PPFIA1: variants seen among roughly 807,000 people sequenced by gnomAD.
PPFIA1 encodes liprin-alpha-1.
A neutral mutation model predicts 149.9 loss-of-function variants in PPFIA1; 25 were observed. The ratio of observed to expected loss-of-function variants is 0.17; its 90% CI spans 0.12 to 0.23. The LOEUF (loss-of-function observed/expected upper bound fraction) is 0.23, where lower values mean the gene tolerates loss of function less well. PPFIA1 is among the 10% of genes least tolerant of loss of function. PPFIA1 has a pLI of 1.00. For missense variants in PPFIA1, 1,362 were observed against 1,506.5 expected (o/e 0.90, Z 1.59); for synonymous variants, 549 against 552.8 (o/e 0.99, Z 0.10).
At chr11:70,278,914 A>G in intron 2 of PPFIA1, 1 of 593,250 alleles carries the variant, frequency 1.7e-6, no homozygotes, top group East Asian at 4.0e-5. Flanking sequence ...GGCAGCCTTT[A>G]GACAGTCTGC....
At chr11:70,279,156 C>T in intron 2 of PPFIA1, 1 of 541,370 alleles carries the variant, frequency 1.8e-6, no homozygotes, top group Non-Finnish European at 3.4e-6. Context: ...GGCAGTCGCG[C>T]CCACACGTCC....
intron 2 of PPFIA1, among the ~76,000 whole-genome samples, chr11:70,281,616 G>A (rs1440629587): frequency 1.3e-5 from 2 of 152,150 alleles, no homozygotes; most frequent in Non-Finnish European, 2.9e-5. Flanking sequence ...TGTCTCCCCA[G>A]ACCCTTGGGG....
At chr11:70,382,932 A>T (rs2057763672) in intron 27 of PPFIA1, 71 bp from the exon 28 acceptor site, 2 of 356,974 alleles carry the variant, frequency 5.6e-6, no homozygotes, top group Non-Finnish European at 1.0e-5. Flanking sequence ...GGGCCCCAGC[A>T]TCAGAAGTTC....
rs1269072423 is a variant in PPFIA1, at chr11:70,354,463, T to C, written c.2315+11T>C. ...CAGGGACATAAGGAAGTAAGGAGCCTGCAGCAGCCCCATGCAGAGCGCACC... is the reference window on the plus strand; with the variant it reads ...CAGGGACATAAGGAAGTAAGGAGCCCGCAGCAGCCCCATGCAGAGCGCACC... On this transcript the variant is annotated intron_variant, in intron 17 of 27. Coordinates refer to ENST00000253925, the MANE Select transcript of PPFIA1 (RefSeq NM_003626.5). 5.6e-6 allele frequency: 9 copies of C among 1,609,146 alleles called. No individual in the cohort carries two copies. Among genetic ancestry groups the C allele is most frequent in the Non-Finnish European group, 7.6e-6 (9 of 1,178,258 alleles).
At chr11:70,342,085 G>A (rs2137100604) in intron 14 of PPFIA1, 1 of 152,880 alleles carries the variant, frequency 6.5e-6, no homozygotes, top group South Asian at 2.1e-4. Flanking sequence ...GTGGGTGAAA[G>A]GAGACCCGCC....
intron 2 of PPFIA1, among the ~76,000 whole-genome samples, chr11:70,278,390 C>A (rs1274688967): frequency 6.6e-6 from 1 of 152,202 alleles, no homozygotes. Context: ...GGATCGTGGT[C>A]ATTTCCTTGC....
chr11:70,349,135 C>CAAAAAAAAAAAAAAAAAAAAA (rs749436919), intron 16 of PPFIA1, among the ~76,000 whole-genome samples: 1 of 74,610 alleles, frequency 1.3e-5, no homozygotes, highest in African/African-American at 5.1e-5. Flanking sequence ...CATCTACTAC[C>CAAAAAAAAAAAAAAAAAAAAA]AAAAAAAAAA....
chr11:70,336,274 A>T (rs1216706298), intron 11 of PPFIA1, among the ~76,000 whole-genome samples: 1 of 152,144 alleles, frequency 6.6e-6, no homozygotes, highest in Non-Finnish European at 1.5e-5. Flanking sequence ...AGGCTGAGGC[A>T]GGCAGATCAC....
At chr11:70,298,837 T>C (rs923174714) in intron 2 of PPFIA1, among the ~76,000 whole-genome samples, 5 of 152,216 alleles carry the variant, frequency 3.3e-5, no homozygotes, top group Admixed American at 1.3e-4. Flanking sequence ...ACACTTACCA[T>C]AGTAAGTTAC....
At chr11:70,326,478 A>C in intron 6 of PPFIA1, 115 bp downstream of exon 6, 1 of 1,283,380 alleles carries the variant, frequency 7.8e-7, no homozygotes, top group East Asian at 2.3e-5. Context: ...TGGTCATGAA[A>C]GTTGTGTAAT....
rs747658786 is a variant in PPFIA1, at chr11:70,338,374, G to A, written c.1492G>A (p.Asp498Asn). 1.2e-5 allele frequency: 19 copies of A among 1,610,080 alleles called. No homozygotes were observed. In the South Asian group the frequency reaches 2.0e-4, roughly 17 times the overall value. ...KQLEETQHDKDQLVLNIEALR... is the reference protein window; with the variant it reads ...KQLEETQHDKNQLVLNIEALR... ...ATGTAAGTCTTTTGCTTTTCTGTAG[G>A]ATCAGCTTGTCCTAAACATTGAAGC... The change falls in exon 13 of 28, where the codon GAT becomes AAT. Residue 498 changes from aspartate (D) to asparagine (N), a missense_variant and splice_region_variant. This residue lies in a region of PPFIA1 where 733 missense variants were observed against 744.1 expected (regional missense o/e 0.99). Transcript: ENST00000253925.
At chr11:70,299,904 C>T (rs1281573445) in intron 2 of PPFIA1, among the ~76,000 whole-genome samples, 1 of 152,238 alleles carries the variant, frequency 6.6e-6, no homozygotes. Flanking sequence ...TAACCTCAGC[C>T]ATCGCTTTGG....
At chr11:70,303,061 T>C (rs2052594083) in intron 2 of PPFIA1, among the ~76,000 whole-genome samples, 1 of 152,212 alleles carries the variant, frequency 6.6e-6, no homozygotes, top group Non-Finnish European at 1.5e-5. Context: ...GCAGCCCAGT[T>C]TTCCTTGGTC....
intron 16 of PPFIA1, among the ~76,000 whole-genome samples, chr11:70,353,190 C>G (rs2056169939): frequency 6.6e-6 from 1 of 152,144 alleles, no homozygotes; most frequent in African/African-American, 2.4e-5. Flanking sequence ...GATTGATACA[C>G]TTTACACAAT....
intron 15 of PPFIA1, among the ~76,000 whole-genome samples, chr11:70,344,654 G>A (rs888000767): frequency 6.6e-6 from 1 of 152,180 alleles, no homozygotes; most frequent in African/African-American, 2.4e-5. Flanking sequence ...TTCAATACAC[G>A]CAAGTATAAT....
At chr11:70,339,843 C>G (rs1451452586) in intron 14 of PPFIA1, among the ~76,000 whole-genome samples, 1 of 151,926 alleles carries the variant, frequency 6.6e-6, no homozygotes, top group Non-Finnish European at 1.5e-5. Context: ...GGTGAAACCC[C>G]GTCTCTACTA....
intron 2 of PPFIA1, among the ~76,000 whole-genome samples, chr11:70,292,588 C>T (rs181204168): frequency 5.3e-5 from 8 of 152,292 alleles, no homozygotes; most frequent in Admixed American, 4.6e-4. Flanking sequence ...AAGGTACCGT[C>T]CAGGGGCTGG....
intron 21 of PPFIA1, among the ~76,000 whole-genome samples, chr11:70,369,347 G>A (rs1001550978): frequency 6.6e-6 from 1 of 151,940 alleles, no homozygotes; most frequent in African/African-American, 2.4e-5. Flanking sequence ...TACTTGTCAT[G>A]ATATCTTATT....
intron 2 of PPFIA1, among the ~76,000 whole-genome samples, chr11:70,318,541 T>C (rs1423776017): frequency 1.3e-5 from 2 of 152,256 alleles, no homozygotes; most frequent in Non-Finnish European, 2.9e-5. Context: ...CAAAGGTCTT[T>C]CTTGACCTCA....
Sources: allele counts gnomAD v4.1 joint callset (sites outside exome capture counted in the v4.1 genomes callset), GRCh38; gene constraint gnomAD v4.1.1; regional missense constraint gnomAD v4.1.1; transcripts MANE v1.5; gene names NCBI Gene and HGNC (gene_info 2026-07-23, HGNC 2026-07-21).